RNF170: variants seen among roughly 807,000 people sequenced by gnomAD.
RNF170 encodes ring finger protein 170, also known as E3 ubiquitin-protein ligase RNF170.
In RNF170, 12 loss-of-function variants were observed where a neutral mutation model predicts 32.7. That is an observed-to-expected ratio of 0.37 (90% CI 0.24 to 0.60). RNF170 has a LOEUF of 0.60. Ranked by LOEUF, RNF170 falls within the 20% of genes least tolerant of loss-of-function variation. RNF170 has a pLI of 0.72. For missense variants in RNF170, 212 were observed against 311.2 expected (o/e 0.68, Z 2.40); for synonymous variants, 91 against 103.6 (o/e 0.88, Z 0.74).
rs566376186 is a variant in RNF170, at chr8:42,874,015, T to G, written c.138-9A>C. 1 of 1,501,198 alleles carries G rather than the reference T, an allele frequency of 6.7e-7. No individual in the cohort carries two copies. The highest frequency in any genetic ancestry group is 9.3e-7 in the Non-Finnish European group (1 of 1,078,366). The allele number at this position is 1,501,198 out of a possible 1,614,324, so 93.0% of individuals were successfully genotyped here. On this transcript the variant is annotated splice_polypyrimidine_tract_variant and intron_variant, in intron 2 of 6. Transcript: ENST00000527424. ...TGTTTTGATGTACATTTCTGTTGAA[T>G]AGAATATAATAAATTTTGAATAGAA...
At chr8:42,888,332 G>A (rs1036472953) in intron 1 of RNF170, among the ~76,000 whole-genome samples, 3 of 151,960 alleles carry the variant, frequency 2.0e-5, no homozygotes, top group East Asian at 1.9e-4. Context: ...CCAAAGTGCC[G>A]GGATTACAGG....
chr8:42,881,926 C>G (rs914935626), intron 2 of RNF170, among the ~76,000 whole-genome samples: 4 of 152,110 alleles, frequency 2.6e-5, no homozygotes, highest in Admixed American at 2.6e-4. Context: ...CAGAGTAAGA[C>G]CCTATCTCAA....
intron 4 of RNF170, among the ~76,000 whole-genome samples, chr8:42,867,106 A>T (rs11990652): frequency 6.3e-4 from 96 of 152,320 alleles, no homozygotes; most frequent in African/African-American, 2.1e-3. Flanking sequence ...TGGCAATCCA[A>T]TTGAGGAGAC....
chr8:42,858,886 C>T (rs1803443100), intron 6 of RNF170, among the ~76,000 whole-genome samples: 1 of 152,128 alleles, frequency 6.6e-6, no homozygotes, highest in African/African-American at 2.4e-5. Context: ...GGAGTTGGAA[C>T]ATTCAAAGAC....
chr8:42,861,706 G>T, intron 6 of RNF170, 39 bp downstream of exon 6: 1 of 1,442,742 alleles, frequency 6.9e-7, no homozygotes, highest in Non-Finnish European at 9.8e-7. Context: ...GAAGAAATGT[G>T]TCTTCCTCTA....
At chr8:42,896,150 T>C (rs985270616) in intron 1 of RNF170, 1 of 214,690 alleles carries the variant, frequency 4.7e-6, no homozygotes, top group Non-Finnish European at 9.6e-6. Flanking sequence ...CCTTACGGAT[T>C]GGCGAGCGGG....
intron 6 of RNF170, 90 bp from the exon 7 acceptor site, chr8:42,856,518 T>C (rs1803255699): frequency 1.1e-6 from 1 of 898,288 alleles, no homozygotes; most frequent in Non-Finnish European, 1.8e-6. Context: ...GTAAACATTG[T>C]TAAGATGAAT....
intron 1 of RNF170, among the ~76,000 whole-genome samples, chr8:42,888,232 A>AT (rs2128953379): frequency 6.6e-6 from 1 of 151,574 alleles, no homozygotes; most frequent in African/African-American, 2.4e-5. Flanking sequence ...CGCCTGGCTA[A>AT]TTTTTTGTAT....
chr8:42,871,336 A>G (rs1294995459), intron 3 of RNF170, among the ~76,000 whole-genome samples: 1 of 152,164 alleles, frequency 6.6e-6, no homozygotes, highest in East Asian at 1.9e-4. Context: ...TTACAGAAAA[A>G]AGTATTAAGT....
intron 2 of RNF170, among the ~76,000 whole-genome samples, chr8:42,879,145 T>C (rs1477764876): frequency 3.3e-5 from 5 of 152,206 alleles, no homozygotes; most frequent in African/African-American, 7.2e-5. Context: ...CGAGCTCTAA[T>C]GGAGATGTAC....
At chr8:42,874,650 G>C (rs1168010896) in intron 2 of RNF170, among the ~76,000 whole-genome samples, 1 of 151,516 alleles carries the variant, frequency 6.6e-6, no homozygotes, top group Non-Finnish European at 1.5e-5. Context: ...GCTGAGGCAG[G>C]AGAATTGCTG....
At chr8:42,895,611 T>C (rs548703080) in intron 1 of RNF170, among the ~76,000 whole-genome samples, 3 of 152,338 alleles carry the variant, frequency 2.0e-5, no homozygotes, top group African/African-American at 7.2e-5. Context: ...ATGTTCTGAG[T>C]GGCCTCAGTC....
downstream of RNF170, among the ~76,000 whole-genome samples, chr8:42,851,811 T>G (rs1051212455): frequency 2.6e-5 from 4 of 152,072 alleles, no homozygotes; most frequent in African/African-American, 9.7e-5. Context: ...CTAATTTTAT[T>G]TGTAGAGACG....
chr8:42,880,900 T>A (rs1586537051), intron 2 of RNF170, among the ~76,000 whole-genome samples: 1 of 152,114 alleles, frequency 6.6e-6, no homozygotes, highest in South Asian at 2.1e-4. Flanking sequence ...TTCAGATAGA[T>A]AACTGTTAGC....
In RNF170 at chr8:42,894,467, T is replaced by G. The variant is rs147669372; in HGVS notation, c.-8+2017A>C. The stretch of plus-strand genomic sequence containing the variant: ...ATACGTCACTTAAAAGTGCTAGAGA[T>G]TCGACAGAAATAACCTGATAAGGAA... On this transcript the variant is annotated intron_variant, in intron 1 of 6. Coordinates refer to ENST00000527424, the MANE Select transcript of RNF170 (RefSeq NM_030954.4). Among the ~76,000 whole-genome samples the G allele has an allele frequency of 5.9e-5, 9 of 152,300 alleles. No individual in the cohort carries two copies. In the East Asian group the frequency reaches 1.7e-3, roughly 29 times the overall value.
intron 5 of RNF170, among the ~76,000 whole-genome samples, chr8:42,864,399 C>T (rs1470526158): frequency 6.6e-6 from 1 of 152,050 alleles, no homozygotes; most frequent in Non-Finnish European, 1.5e-5. Context: ...CTGCGCCCAC[C>T]CTGTATTTTT....
chr8:42,896,866 G>A (rs1806977487), upstream of RNF170: 3 of 306,174 alleles, frequency 9.8e-6, 1 homozygote, highest in East Asian at 1.4e-4. Context: ...GGGAGGAGCG[G>A]TGTGGGCGGC....
Position 42,855,431 on chromosome 8 carries a change from C to G in RNF170, c.*728G>C, listed in dbSNP as rs1489340036. On this transcript the variant is annotated 3_prime_UTR_variant, in exon 7 of 7. Coordinates refer to ENST00000527424, the MANE Select transcript of RNF170 (RefSeq NM_030954.4). Reference sequence around the variant, plus strand: ...TTTCACCATGTTAGCCAGGATGGTCCTGATCTCCTGACCTTGTGATCTACC... The same window carrying G: ...TTTCACCATGTTAGCCAGGATGGTCGTGATCTCCTGACCTTGTGATCTACC... The G allele has an allele frequency of 1.3e-6, 1 of 762,002 alleles. No individual in the cohort carries two copies. Among genetic ancestry groups the G allele is most frequent in the Non-Finnish European group, 1.9e-6 (1 of 516,034 alleles). 47.2% of individuals were successfully genotyped at this position (762,002 alleles called of 1,614,324 possible).
upstream of RNF170, chr8:42,896,689 G>A (rs772054150): frequency 5.1e-5 from 21 of 410,400 alleles, 1 homozygote; most frequent in South Asian, 3.3e-4. Context: ...AGCCTCCAGG[G>A]CGGAGCGCGT....
Sources: allele counts gnomAD v4.1 joint callset (sites outside exome capture counted in the v4.1 genomes callset), GRCh38; gene constraint gnomAD v4.1.1; transcripts MANE v1.5; gene names NCBI Gene and HGNC (gene_info 2026-07-23, HGNC 2026-07-21).